Variants in CCDC3 observed in about 807,000 individuals in gnomAD.
CCDC3 encodes coiled-coil domain-containing protein 3.
Under a neutral mutation model 21.4 loss-of-function variants are expected in CCDC3, and 24 were observed. The observed-to-expected ratio is 1.12, with a 90% CI of 0.81 to 1.58. CCDC3 has a LOEUF of 1.58. Among genes scored for constraint, CCDC3 ranks in the 40% most tolerant of loss-of-function variants. CCDC3 has a pLI of 0.00. For synonymous variants in CCDC3, 186 were observed against 166.0 expected (o/e 1.12, Z -0.93); for missense variants, 425 against 360.9 (o/e 1.18, Z -1.44).
chr10:12,957,645 G>C (rs187552745), intron 2 of CCDC3, among the ~76,000 whole-genome samples: 59 of 152,122 alleles, frequency 3.9e-4, no homozygotes, highest in African/African-American at 1.3e-3. Flanking sequence ...GAGTTCTCTC[G>C]AGATCTGATT....
At chr10:12,946,175 C>T (rs751996691) in intron 2 of CCDC3, among the ~76,000 whole-genome samples, 41 of 152,322 alleles carry the variant, frequency 2.7e-4, no homozygotes, top group Non-Finnish European at 5.1e-4. Context: ...ACAAGTCATT[C>T]AACAGACTTG....
intron 2 of CCDC3, among the ~76,000 whole-genome samples, chr10:12,900,706 A>AAC (rs1554752351): frequency 3.4e-5 from 5 of 149,024 alleles, no homozygotes; most frequent in Non-Finnish European, 6.0e-5. Flanking sequence ...AAAAAAAAAA[A>AAC]AAACAAACTC....
At chr10:12,977,651 A>G (rs1835436793) in intron 2 of CCDC3, among the ~76,000 whole-genome samples, 1 of 152,226 alleles carries the variant, frequency 6.6e-6, no homozygotes, top group South Asian at 2.1e-4. Context: ...TGCTTCTTAC[A>G]ACATAAAATC....
At chr10:13,035,619 A>G (rs1673614009) in intron 5 of CCDC3, among the ~76,000 whole-genome samples, 3 of 152,140 alleles carry the variant, frequency 2.0e-5, no homozygotes, top group African/African-American at 7.2e-5. Context: ...TGTTTAATTC[A>G]TGTTAAGGGA....
intron 2 of CCDC3, among the ~76,000 whole-genome samples, chr10:12,985,405 C>T (rs902223780): frequency 1.3e-5 from 2 of 152,230 alleles, no homozygotes; most frequent in Non-Finnish European, 2.9e-5. Flanking sequence ...TACCATACAA[C>T]CCAGCAATGG....
chr10:13,054,373 C>A (rs944433075), intron 4 of CCDC3, among the ~76,000 whole-genome samples: 1 of 152,124 alleles, frequency 6.6e-6, no homozygotes, highest in Admixed American at 6.5e-5. Context: ...ATCTTCCCAA[C>A]TCAGCTTAAG....
At chr10:12,984,438 C>G (rs1055200229) in intron 2 of CCDC3, among the ~76,000 whole-genome samples, 1 of 152,152 alleles carries the variant, frequency 6.6e-6, no homozygotes, top group African/African-American at 2.4e-5. Context: ...GAAATTGCAA[C>G]CCTCATACAC....
intron 2 of CCDC3, among the ~76,000 whole-genome samples, chr10:12,988,363 T>C (rs532462215): frequency 4.6e-5 from 7 of 152,186 alleles, no homozygotes; most frequent in African/African-American, 9.7e-5. Flanking sequence ...CTTTTTTTTT[T>C]GAGACAGAGT....
intron 2 of CCDC3, among the ~76,000 whole-genome samples, chr10:12,928,983 A>G (rs1834594174): frequency 6.6e-6 from 1 of 152,098 alleles, no homozygotes; most frequent in Non-Finnish European, 1.5e-5. Flanking sequence ...ATTAATTGAA[A>G]GTTCAGCAGA....
intron 2 of CCDC3, among the ~76,000 whole-genome samples, chr10:12,957,136 C>T (rs903253988): frequency 6.6e-6 from 1 of 152,198 alleles, no homozygotes; most frequent in Non-Finnish European, 1.5e-5. Flanking sequence ...AGCCTAACTT[C>T]CAAAGGGTCA....
intron 5 of CCDC3, among the ~76,000 whole-genome samples, chr10:13,032,958 C>T (rs1359976452): frequency 1.3e-5 from 2 of 152,160 alleles, no homozygotes; most frequent in Non-Finnish European, 1.5e-5. Flanking sequence ...ATCAAGCTAC[C>T]AATGACTTTC....
rs145056339 is a variant in CCDC3 at position 13,056,414 on chromosome 10, G to A, written c.-269-6473C>T. ...GTAGTCCAGCTGTGTGCACAGGAAGGAGAGGAAGCAAGTTCGTGATGGACT... is the reference window on the plus strand; with the variant it reads ...GTAGTCCAGCTGTGTGCACAGGAAGAAGAGGAAGCAAGTTCGTGATGGACT... On this transcript the variant is annotated intron_variant, in intron 4 of 6. Transcript: ENST00000378839. Among the ~76,000 whole-genome samples the A allele has an allele frequency of 4.9e-3, 747 of 152,110 alleles. 1 individual carries two copies. Among genetic ancestry groups the A allele is most frequent in the Middle Eastern group, 0.02 (6 of 294 alleles).
In CCDC3 at chr10:13,001,541, G is replaced by C; in HGVS notation, c.30C>G (p.Leu10=). 1 of 1,274,884 alleles carries C rather than the reference G, an allele frequency of 7.8e-7. No homozygotes were observed. Among genetic ancestry groups the C allele is most frequent in the East Asian group, 3.2e-5 (1 of 31,600 alleles). The allele number at this position is 1,274,884 out of a possible 1,614,324, so 79.0% of individuals were successfully genotyped here. Residue 10 remains leucine, a synonymous_variant, in exon 1 of 3, where the codon CTC becomes CTG. Coordinates refer to ENST00000378825, the MANE Select transcript of CCDC3 (RefSeq NM_031455.4). ...CGGGCGCTGGGGGACCCGCCAGGCAGAGCGCGGCGAGCAGCAGCTGGCGCA... is the reference window on the plus strand; with the variant it reads ...CGGGCGCTGGGGGACCCGCCAGGCACAGCGCGGCGAGCAGCAGCTGGCGCA... MLRQLLLAA[L]CLAGPPAPAR... is the part of the protein sequence containing the mutation.
intron 3 of CCDC3, among the ~76,000 whole-genome samples, chr10:13,088,538 G>A (rs1210599031): frequency 6.6e-6 from 1 of 152,122 alleles, no homozygotes; most frequent in Non-Finnish European, 1.5e-5. Context: ...AAAGTAATAT[G>A]AGAACTAGAG....
chr10:13,066,292 G>A (rs764400432), intron 4 of CCDC3, among the ~76,000 whole-genome samples: 16 of 152,106 alleles, frequency 1.1e-4, no homozygotes, highest in Non-Finnish European at 2.1e-4. Context: ...GAGTAGCTGG[G>A]ACCACAGGTA....
chr10:13,061,979 C>G (rs1836763656), intron 4 of CCDC3, among the ~76,000 whole-genome samples: 1 of 151,378 alleles, frequency 6.6e-6, no homozygotes, highest in South Asian at 2.1e-4. Flanking sequence ...CCCCACCACC[C>G]AGAAAGGACA....
intron 2 of CCDC3, among the ~76,000 whole-genome samples, chr10:12,922,055 A>G (rs1469071474): frequency 6.6e-6 from 1 of 152,214 alleles, no homozygotes; most frequent in African/African-American, 2.4e-5. Flanking sequence ...CTAAGTGTAC[A>G]ATTCAGTAGC....
chr10:12,912,032 C>T (rs904243338), intron 2 of CCDC3, among the ~76,000 whole-genome samples: 8 of 152,136 alleles, frequency 5.3e-5, no homozygotes, highest in African/African-American at 1.2e-4. Context: ...TGTTCTTTAT[C>T]GATTCATTCA....
At chr10:12,933,704 C>T (rs937750416) in intron 2 of CCDC3, among the ~76,000 whole-genome samples, 9 of 152,080 alleles carry the variant, frequency 5.9e-5, no homozygotes, top group South Asian at 2.1e-4. Context: ...GTGATCCGCC[C>T]GACTCGGCCT....
Sources: gnomAD v4.1 joint callset for allele counts (sites outside exome capture counted in the v4.1 genomes callset) on GRCh38, gnomAD v4.1.1 for gene constraint, MANE v1.5 for transcripts, NCBI Gene and HGNC (gene_info 2026-07-23, HGNC 2026-07-21) for gene names.